NEBL: variants seen among roughly 807,000 people sequenced by gnomAD.
NEBL encodes LIM and SH3 protein 2.
NEBL carries 122 observed loss-of-function variants against 140.2 expected under a neutral mutation model. The observed-to-expected ratio is 0.87, with a 90% CI of 0.75 to 1.01. The LOEUF is 1.01. Ranked by LOEUF, NEBL falls within the 50% of genes least tolerant of loss-of-function variation. The probability of loss-of-function intolerance (pLI) is 0.00; values close to 1 mark genes in which losing one functional copy is unlikely to be tolerated. For missense variants in NEBL, 1,365 were observed against 1,231.3 expected (o/e 1.11, Z -1.62); for synonymous variants, 436 against 398.9 (o/e 1.09, Z -1.11).
intron 4 of NEBL, among the ~76,000 whole-genome samples, chr10:20,959,772 G>A (rs191518382): frequency 1.2e-3 from 185 of 151,458 alleles, no homozygotes; most frequent in African/African-American, 4.2e-3. Context: ...TTAAGACATC[G>A]CAAAAAGTTT....
At chr10:21,268,514 T>C (rs1304907796) in intron 1 of NEBL, among the ~76,000 whole-genome samples, 2 of 139,172 alleles carry the variant, frequency 1.4e-5, no homozygotes, top group Non-Finnish European at 3.0e-5. Context: ...AAAATAAAAA[T>C]TTTAATTTAA....
chr10:21,030,989 G>T (rs928865092), intron 2 of NEBL, among the ~76,000 whole-genome samples: 1 of 152,182 alleles, frequency 6.6e-6, no homozygotes, highest in South Asian at 2.1e-4. Context: ...GCCTCCAACA[G>T]CTCCCATGTG....
chr10:20,833,922 T>C (rs1475231908), intron 14 of NEBL, among the ~76,000 whole-genome samples: 2 of 152,112 alleles, frequency 1.3e-5, no homozygotes. Context: ...ATCAATAAAG[T>C]ATGCTGATGA....
intron 2 of NEBL, among the ~76,000 whole-genome samples, chr10:21,040,615 C>G (rs1834228984): frequency 6.6e-6 from 1 of 150,968 alleles, no homozygotes; most frequent in Admixed American, 6.6e-5. Flanking sequence ...GAGAGATTGG[C>G]CCCCATGACC....
At chr10:21,150,759 T>A (rs1052530154) in intron 2 of NEBL, among the ~76,000 whole-genome samples, 1 of 152,184 alleles carries the variant, frequency 6.6e-6, no homozygotes, top group African/African-American at 2.4e-5. Context: ...GCACACCATG[T>A]TATGGCATTT....
At position 21,020,512 on chromosome 10, in the gene NEBL, G is replaced by A. The variant is rs537549394; in HGVS notation, c.165-311C>T. 2.0e-5 allele frequency among the ~76,000 whole-genome samples: 3 copies of A among 152,186 alleles called. No homozygotes were observed. In the South Asian group the frequency reaches 6.2e-4, roughly 32 times the overall value. On this transcript the variant is annotated intron_variant, in intron 2 of 6. Coordinates refer to the NEBL transcript ENST00000417816. ...CACCCCACACACCCTTCCAGCATGT[G>A]TGCCAAATCATCCATCCTCCAACCA...
At chr10:20,911,723 T>C (rs1412984515) in intron 4 of NEBL, among the ~76,000 whole-genome samples, 1 of 152,226 alleles carries the variant, frequency 6.6e-6, no homozygotes, top group African/African-American at 2.4e-5. Context: ...TAGCTATCCT[T>C]AGTGTATTCA....
At chr10:21,255,633 C>T (rs1842648150) in intron 1 of NEBL, among the ~76,000 whole-genome samples, 2 of 152,182 alleles carry the variant, frequency 1.3e-5, no homozygotes, top group South Asian at 2.1e-4. Context: ...CACTGCAATG[C>T]TGCATCAAAG....
At chr10:21,083,685 A>G (rs1836490587) in intron 2 of NEBL, among the ~76,000 whole-genome samples, 1 of 152,164 alleles carries the variant, frequency 6.6e-6, no homozygotes, top group East Asian at 1.9e-4. Context: ...TCTCTACTAA[A>G]AATACAAAAA....
intron 2 of NEBL, among the ~76,000 whole-genome samples, chr10:21,168,202 T>A (rs1387113548): frequency 1.3e-5 from 2 of 152,258 alleles, no homozygotes; most frequent in Non-Finnish European, 2.9e-5. Flanking sequence ...AAGCACTCAC[T>A]ACTTCATTCC....
At chr10:21,077,056 T>C (rs1372047154) in intron 2 of NEBL, among the ~76,000 whole-genome samples, 1 of 152,188 alleles carries the variant, frequency 6.6e-6, no homozygotes, top group Non-Finnish European at 1.5e-5. Flanking sequence ...AACCTTTATG[T>C]TACGTATATC....
At chr10:20,812,113 C>T (rs1409184815) in intron 24 of NEBL, among the ~76,000 whole-genome samples, 2 of 152,160 alleles carry the variant, frequency 1.3e-5, no homozygotes, top group African/African-American at 4.8e-5. Flanking sequence ...CATCAGAACG[C>T]CCATGGCGTG....
rs778887512 is a variant in NEBL, at chr10:20,831,600, A to G, written c.1450-17T>C. Reference sequence around the variant, plus strand: ...ATAGTCTTTCTGCAGAAAATGAAACATACAGTTAGTGCTCTCCAATCATTT... The same window carrying G: ...ATAGTCTTTCTGCAGAAAATGAAACGTACAGTTAGTGCTCTCCAATCATTT... On this transcript the variant is annotated splice_polypyrimidine_tract_variant and intron_variant, in intron 14 of 27. Coordinates refer to ENST00000377122, the MANE Select transcript of NEBL (RefSeq NM_006393.3). 6.7e-7 allele frequency: 1 copy of G among 1,499,856 alleles called. No homozygotes were observed. Among genetic ancestry groups the G allele is most frequent in the Non-Finnish European group, 9.3e-7 (1 of 1,077,198 alleles). The allele number at this position is 1,499,856 out of a possible 1,614,324, so 92.9% of individuals were successfully genotyped here.
chr10:20,932,631 A>C (rs1834250574), intron 4 of NEBL, among the ~76,000 whole-genome samples: 1 of 152,266 alleles, frequency 6.6e-6, no homozygotes, highest in Admixed American at 6.5e-5. Context: ...ATTCTTGCTG[A>C]AAACTGCTAC....
intron 1 of NEBL, among the ~76,000 whole-genome samples, chr10:21,288,647 G>C: frequency 6.7e-6 from 1 of 148,290 alleles, no homozygotes; most frequent in Non-Finnish European, 1.5e-5. Context: ...TGTAATCCCA[G>C]CTACTTTCGA....
intron 3 of NEBL, among the ~76,000 whole-genome samples, chr10:20,973,935 T>C (rs993711380): frequency 2.0e-5 from 3 of 152,200 alleles, no homozygotes; most frequent in Non-Finnish European, 4.4e-5. Context: ...CTCCCACTGT[T>C]CCTGAAGACC....
chr10:20,819,295 T>G, intron 20 of NEBL, 129 bp downstream of exon 20: 3 of 1,425,106 alleles, frequency 2.1e-6, no homozygotes, highest in Admixed American at 1.7e-5. Context: ...TTAGCTCTCA[T>G]TATTATGCAG....
chr10:20,946,791 TAA>T (rs1835184169), intron 4 of NEBL, among the ~76,000 whole-genome samples: 1 of 152,110 alleles, frequency 6.6e-6, no homozygotes. Flanking sequence ...GGTAGAGTCT[TAA>T]TATCAGGAGG....
intron 3 of NEBL, among the ~76,000 whole-genome samples, chr10:21,213,783 C>T (rs936424716): frequency 2.6e-5 from 4 of 152,084 alleles, no homozygotes; most frequent in African/African-American, 9.7e-5. Flanking sequence ...ATTTTTACTG[C>T]AAATATTCCT....
Sources: allele counts gnomAD v4.1 joint callset (sites outside exome capture counted in the v4.1 genomes callset), GRCh38; gene constraint gnomAD v4.1.1; transcripts MANE v1.5; gene names NCBI Gene and HGNC (gene_info 2026-07-23, HGNC 2026-07-21).